The following MICU2 variants were observed in gnomAD, a reference collection of about 807,000 sequenced individuals.
MICU2 encodes calcium uptake protein 2, mitochondrial.
A neutral mutation model predicts 60.4 loss-of-function variants in MICU2; 64 were observed. The ratio of observed to expected loss-of-function variants is 1.06; its 90% CI spans 0.87 to 1.31. MICU2 has a LOEUF of 1.31. Ranked by LOEUF, MICU2 falls within the 50% of genes most tolerant of loss-of-function variation. The probability of loss-of-function intolerance (pLI) is 0.00; values close to 1 mark genes in which losing one functional copy is unlikely to be tolerated. For synonymous variants in MICU2, 201 were observed against 175.0 expected, an observed-to-expected ratio of 1.15 and a Z score of -1.17; for missense variants, 569 against 531.0, an observed-to-expected ratio of 1.07 and a Z score of -0.70.
intron 1 of MICU2, among the ~76,000 whole-genome samples, chr13:21,583,340 G>A (rs567541901): frequency 6.6e-6 from 1 of 152,246 alleles, no homozygotes; most frequent in South Asian, 2.1e-4. Context: ...TCAGTATTAA[G>A]TTTTTTAAAA....
intron 8 of MICU2, among the ~76,000 whole-genome samples, chr13:21,508,050 A>G (rs1199083695): frequency 6.6e-6 from 1 of 151,130 alleles, no homozygotes; most frequent in Non-Finnish European, 1.5e-5. Context: ...TGAGCCCTAC[A>G]ATTTTATCTC....
At chr13:21,537,456 A>G (rs1593332483) in intron 4 of MICU2, among the ~76,000 whole-genome samples, 1 of 132,812 alleles carries the variant, frequency 7.5e-6, no homozygotes, top group Admixed American at 8.7e-5. Flanking sequence ...TATATCCAAC[A>G]TTTTCTTTCT....
rs929566535 is a variant in MICU2 at position 21,493,332 on chromosome 13, G to A, written c.1222C>T (p.Gln408Ter). The change falls in exon 12 of 12, where the codon CAA becomes TAA. Residue 408 changes from glutamine (Q) to a stop codon, truncating the protein, a stop_gained. Transcript: ENST00000382374. LOFTEE classifies it high-confidence loss of function. Reference protein sequence around the residue: ...GLWVPQHQSIQEYWKCVKKES... With the variant: ...GLWVPQHQSI ...TTCTTCACACACTTCCAGTATTCTTGTATACTCTGATGTTGTGGTACCTGT... is the reference window on the plus strand; with the variant it reads ...TTCTTCACACACTTCCAGTATTCTTATATACTCTGATGTTGTGGTACCTGT... 1.2e-6 allele frequency: 2 copies of A among 1,607,616 alleles called. No homozygotes were observed. The highest frequency in any genetic ancestry group is 2.7e-5 in the African/African-American group (2 of 74,592).
chr13:21,591,136 A>G (rs1888573125), intron 1 of MICU2, among the ~76,000 whole-genome samples: 1 of 152,080 alleles, frequency 6.6e-6, no homozygotes, highest in African/African-American at 2.4e-5. Context: ...TATTTAGGAG[A>G]CGTGCAAAAA....
At chr13:21,538,407 C>G (rs1887188030) in intron 4 of MICU2, among the ~76,000 whole-genome samples, 1 of 151,596 alleles carries the variant, frequency 6.6e-6, no homozygotes, top group African/African-American at 2.4e-5. Context: ...CCCGTCTATA[C>G]TAAAATTAAA....
chr13:21,562,641 T>C (rs1887875203), intron 2 of MICU2, among the ~76,000 whole-genome samples: 1 of 152,216 alleles, frequency 6.6e-6, no homozygotes, highest in South Asian at 2.1e-4. Context: ...TCGTGGGTGG[T>C]ACAAGTATCT....
chr13:21,567,857 T>A (rs544851081), intron 1 of MICU2, among the ~76,000 whole-genome samples: 10 of 152,266 alleles, frequency 6.6e-5, no homozygotes, highest in African/African-American at 9.6e-5. Context: ...AAAAGCTAGG[T>A]CTGACTCAAA....
intron 4 of MICU2, among the ~76,000 whole-genome samples, chr13:21,538,227 C>A (rs895636706): frequency 1.3e-5 from 2 of 151,848 alleles, no homozygotes; most frequent in Admixed American, 1.3e-4. Flanking sequence ...CTGATCTGTA[C>A]AGTTGGCCCT....
Position 21,604,119 on chromosome 13 carries a change from C to CCG in MICU2, c.28_29dup (p.Val11GlyfsTer68). ...GCAGTTTTCCGCCCCAGGCCGCCAC[C>CCG]CGCGCGCAGCTACCCGCAGCCGCCG... On this transcript the variant is annotated frameshift_variant, in exon 1 of 12. Transcript: ENST00000382374. LOFTEE classifies it high-confidence loss of function. 6.3e-7 allele frequency: 1 copy of CCG among 1,575,018 alleles called. No individual in the cohort carries two copies.
intron 2 of MICU2, among the ~76,000 whole-genome samples, chr13:21,544,516 GAAAAAA>G (rs10628955): frequency 3.6e-4 from 28 of 77,360 alleles, no homozygotes; most frequent in Non-Finnish European, 6.6e-4. Flanking sequence ...ATAAACACAT[GAAAAAA>G]AAAAAAAAAA....
At chr13:21,603,881 A>C (rs1888887737) in intron 1 of MICU2, 58 bp downstream of exon 1, 1 of 1,580,472 alleles carries the variant, frequency 6.3e-7, no homozygotes, top group Non-Finnish European at 8.6e-7. Flanking sequence ...TCCCCGCCTA[A>C]GGGCGTCAGG....
At chr13:21,503,242 A>G (rs1422174034) in intron 8 of MICU2, 145 bp from the exon 9 acceptor site, 6 of 620,018 alleles carry the variant, frequency 9.7e-6, no homozygotes, top group Non-Finnish European at 1.4e-5. Flanking sequence ...GTGCTGTGCA[A>G]GGATTGTGGG....
At chr13:21,498,974 G>A (rs1299132859) in intron 9 of MICU2, among the ~76,000 whole-genome samples, 6 of 152,054 alleles carry the variant, frequency 3.9e-5, no homozygotes, top group Admixed American at 1.3e-4. Flanking sequence ...CATGTCTTAC[G>A]GAGTCTTGCT....
intron 1 of MICU2, among the ~76,000 whole-genome samples, chr13:21,581,265 G>A (rs1256447983): frequency 6.6e-6 from 1 of 152,068 alleles, no homozygotes; most frequent in Non-Finnish European, 1.5e-5. Flanking sequence ...TTACAGGCAT[G>A]CACCACCACA....
chr13:21,535,573 TTAAC>T (rs1887110686), intron 4 of MICU2, among the ~76,000 whole-genome samples: 2 of 152,178 alleles, frequency 1.3e-5, no homozygotes, highest in African/African-American at 2.4e-5. Context: ...AAAATATTTA[TTAAC>T]TATGATTTTA....
At chr13:21,599,262 CT>C (rs926275550) in intron 1 of MICU2, among the ~76,000 whole-genome samples, 6 of 152,202 alleles carry the variant, frequency 3.9e-5, no homozygotes, top group African/African-American at 1.4e-4. Context: ...CTAAAACTCT[CT>C]AGTTCCTAAA....
intron 2 of MICU2, among the ~76,000 whole-genome samples, chr13:21,562,584 A>G (rs1295760829): frequency 6.6e-6 from 1 of 152,188 alleles, no homozygotes; most frequent in Admixed American, 6.5e-5. Context: ...TTTGCAATAT[A>G]TATTTGCAAC....
chr13:21,584,245 T>G (rs1888411320), intron 1 of MICU2, among the ~76,000 whole-genome samples: 1 of 151,720 alleles, frequency 6.6e-6, no homozygotes, highest in Admixed American at 6.6e-5. Flanking sequence ...AAAAATTAGC[T>G]GGGCGTGGTG....
intron 2 of MICU2, among the ~76,000 whole-genome samples, chr13:21,547,139 C>T (rs1887436784): frequency 6.6e-6 from 1 of 152,042 alleles, no homozygotes; most frequent in South Asian, 2.1e-4. Flanking sequence ...TACTTACTGC[C>T]TTTTATTGCC....
Sources: gnomAD v4.1 joint callset for allele counts (sites outside exome capture counted in the v4.1 genomes callset) on GRCh38, gnomAD v4.1.1 for gene constraint, MANE v1.5 for transcripts, NCBI Gene and HGNC (gene_info 2026-07-23, HGNC 2026-07-21) for gene names.